MOK: variants seen among roughly 807,000 people sequenced by gnomAD.
MOK encodes the protein MOK protein kinase, also known as MAPK/MAK/MRK overlapping kinase.
Under a neutral mutation model 54.2 loss-of-function variants are expected in MOK, and 59 were observed. That is an observed-to-expected ratio of 1.09 (90% CI 0.88 to 1.35). The LOEUF is 1.35. MOK is among the 40% of genes most tolerant of loss of function. The probability of loss-of-function intolerance (pLI) is 0.00; values close to 1 mark genes in which losing one functional copy is unlikely to be tolerated. For missense variants in MOK, 517 were observed against 526.2 expected (o/e 0.98, Z 0.17); for synonymous variants, 210 against 202.7 (o/e 1.04, Z -0.31).
intron 1 of MOK, among the ~76,000 whole-genome samples, chr14:102,285,666 T>G (rs1666362320): frequency 6.6e-6 from 1 of 151,068 alleles, no homozygotes; most frequent in South Asian, 2.1e-4. Context: ...CCCAGGTCGG[T>G]GGATCACTTG....
At chr14:102,264,866 G>T (rs573241539) in intron 3 of MOK, among the ~76,000 whole-genome samples, 2 of 152,182 alleles carry the variant, frequency 1.3e-5, no homozygotes, top group Non-Finnish European at 2.9e-5. Flanking sequence ...CTACACTGAG[G>T]TGCACCCTCT....
chr14:102,275,478 G>T (rs2068774450), intron 2 of MOK, among the ~76,000 whole-genome samples: 1 of 151,514 alleles, frequency 6.6e-6, no homozygotes, highest in Non-Finnish European at 1.5e-5. Flanking sequence ...GCAGGAGAAT[G>T]GAGTGAACCT....
At chr14:102,267,797 T>C (rs1267515863) in intron 2 of MOK, among the ~76,000 whole-genome samples, 1 of 151,768 alleles carries the variant, frequency 6.6e-6, no homozygotes, top group African/African-American at 2.4e-5. Flanking sequence ...CCACAACCAA[T>C]CAGAAAAGAC....
In MOK at chr14:102,249,721, T is replaced by C. The variant is rs534989305; in HGVS notation, c.590+1091A>G. ...CAAAACTCCATCTCAAAAAAATAAA[T>C]ACAGATTTTAAACCTGTATAAATAA... is the stretch of plus-strand genomic sequence containing the variant. On this transcript the variant is annotated intron_variant, in intron 7 of 11. Transcript: ENST00000361847. This position sits in a 1 kb window ranked among gnomAD's most constrained non-coding sequence, Gnocchi z 5.3. 1.8e-4 allele frequency among the ~76,000 whole-genome samples: 28 copies of C among 152,216 alleles called. No homozygotes were observed. The highest frequency in any genetic ancestry group is 7.9e-4 in the Admixed American group (12 of 15,284).
At chr14:102,227,498 A>G (rs1567119080), downstream of MOK, among the ~76,000 whole-genome samples, 1 of 152,090 alleles carries the variant, frequency 6.6e-6, no homozygotes, top group Non-Finnish European at 1.5e-5. Flanking sequence ...GGCAGCCCTC[A>G]AGGCTGCACC....
At chr14:102,278,751 C>A (rs188256277) in intron 2 of MOK, 3 of 456,036 alleles carry the variant, frequency 6.6e-6, no homozygotes, top group Non-Finnish European at 1.3e-5. Flanking sequence ...TTCAATGACA[C>A]ATGCATATAA....
intron 2 of MOK, among the ~76,000 whole-genome samples, chr14:102,271,515 C>T (rs2068359340): frequency 6.6e-6 from 1 of 152,132 alleles, no homozygotes; most frequent in Non-Finnish European, 1.5e-5. Flanking sequence ...TGAACACTTC[C>T]CAACTTGTTC....
intron 7 of MOK, among the ~76,000 whole-genome samples, chr14:102,244,756 C>T (rs1325558303): frequency 4.6e-5 from 7 of 152,202 alleles, no homozygotes; most frequent in African/African-American, 1.4e-4. Context: ...CATAATTCCT[C>T]GGTTTGGCCT....
chr14:102,263,568 C>A lies in MOK; in HGVS notation c.261G>T (p.Met87Ile), dbSNP rs374179019. Residue 87 changes from methionine to isoleucine, a missense_variant, in exon 4 of 12, where the codon ATG (methionine) becomes ATT (isoleucine). By Grantham distance (10) the Met-to-Ile change is conservative (BLOSUM62 1). Coordinates refer to ENST00000361847, the MANE Select transcript of MOK (RefSeq NM_014226.3). ...TACCTCGTATTAGCTCATAAATATT[C>A]ATGTCCATAAGTTCACATATTAGTG... is the stretch of plus-strand genomic sequence containing the variant. ...SLALICELMD[M>I]NIYELIRGRR... 5.5e-5 allele frequency: 88 copies of A among 1,606,160 alleles called. No homozygotes were observed. Among genetic ancestry groups the A allele is most frequent in the Non-Finnish European group, 6.8e-5 (80 of 1,176,758 alleles).
Position 102,238,849 on chromosome 14 carries a change from C to T in MOK, c.591-5060G>A, listed in dbSNP as rs1400272906. On this transcript the variant is annotated intron_variant, in intron 7 of 11. Transcript: ENST00000361847. The surrounding 1 kb of genome is among the most constrained non-coding windows in gnomAD (Gnocchi z 4.8). Reference sequence around the variant, plus strand: ...CTTCAAAATGTCATATATGCTCTGTCACCTCCTCTCAAGGAGCCCTCCATT... The same window carrying T: ...CTTCAAAATGTCATATATGCTCTGTTACCTCCTCTCAAGGAGCCCTCCATT... Among the ~76,000 whole-genome samples, 1 of 152,142 alleles carries T rather than the reference C, an allele frequency of 6.6e-6. No homozygotes were observed. Among genetic ancestry groups the T allele is most frequent in the Admixed American group, 6.5e-5 (1 of 15,272 alleles).
rs765954575 is a variant in MOK, at chr14:102,232,527, G to A, written c.866+8C>T. On this transcript the variant is annotated splice_region_variant and intron_variant, in intron 9 of 11. Transcript: ENST00000361847. This position sits in a 1 kb window ranked among gnomAD's most constrained non-coding sequence, Gnocchi z 5.1. ...CATCTGCCCCACCGAACCCACGAGA[G>A]TGCCTACCTCTGTTCTTGGAAGTAG... The A allele has an allele frequency of 5.6e-6, 9 of 1,610,180 alleles. No individual in the cohort carries two copies. Among genetic ancestry groups the A allele is most frequent in the Middle Eastern group, 3.4e-4 (2 of 5,956 alleles).
chr14:102,224,363 G>T, downstream of MOK: 3 of 349,674 alleles, frequency 8.6e-6, no homozygotes, highest in South Asian at 6.8e-5. Flanking sequence ...TTCTTACTTG[G>T]TTGAAACCAG....
chr14:102,296,881 A>G (rs2071479023), intron 1 of MOK, among the ~76,000 whole-genome samples: 2 of 152,056 alleles, frequency 1.3e-5, no homozygotes, highest in East Asian at 3.9e-4. Flanking sequence ...AATATGGTGA[A>G]ACCCTGTCTC....
At chr14:102,247,245 G>A (rs2066163357) in intron 7 of MOK, 1 of 152,160 alleles carries the variant, frequency 6.6e-6, no homozygotes, top group African/African-American at 2.4e-5. Context: ...AGCTCTAGCT[G>A]GGGCCCTAGG....
At chr14:102,257,785 T>C (rs1364062744) in intron 4 of MOK, among the ~76,000 whole-genome samples, 1 of 152,164 alleles carries the variant, frequency 6.6e-6, no homozygotes, top group African/African-American at 2.4e-5. Context: ...GAGACCATCC[T>C]GGCCAACATG....
chr14:102,279,925 G>A (rs970967033), intron 2 of MOK, among the ~76,000 whole-genome samples: 1 of 151,996 alleles, frequency 6.6e-6, no homozygotes, highest in South Asian at 2.1e-4. Flanking sequence ...TAATACTGGA[G>A]GGGGTAGGGG....
At chr14:102,234,692 C>T (rs1275580350) in intron 7 of MOK, among the ~76,000 whole-genome samples, 1 of 152,116 alleles carries the variant, frequency 6.6e-6, no homozygotes, top group Admixed American at 6.6e-5. Context: ...TCTTGGCCTC[C>T]GTTCAGAAAT....
chr14:102,248,226 T>C (rs907960956), intron 7 of MOK, among the ~76,000 whole-genome samples: 2 of 152,140 alleles, frequency 1.3e-5, no homozygotes, highest in African/African-American at 4.8e-5. Flanking sequence ...CTGCAACCCT[T>C]CTCCGTGCGG....
At chr14:102,261,119 T>C (rs1414575401) in intron 4 of MOK, among the ~76,000 whole-genome samples, 1 of 151,392 alleles carries the variant, frequency 6.6e-6, no homozygotes, top group East Asian at 2.0e-4. Context: ...TAGCTGGGCG[T>C]GGTGGCATGC....
Sources: allele counts gnomAD v4.1 joint callset (sites outside exome capture counted in the v4.1 genomes callset), GRCh38; gene constraint gnomAD v4.1.1; non-coding constraint Gnocchi (gnomAD v3.1); transcripts MANE v1.5; gene names NCBI Gene and HGNC (gene_info 2026-07-23, HGNC 2026-07-21).